Variants in TMEM132D observed in about 807,000 individuals in gnomAD.
The protein encoded by TMEM132D is transmembrane protein 132D.
In TMEM132D, 21 loss-of-function variants were observed where a neutral mutation model predicts 62.3. The ratio of observed to expected loss-of-function variants is 0.34; its 90% CI spans 0.24 to 0.49. The LOEUF (loss-of-function observed/expected upper bound fraction) is 0.49, where lower values mean the gene tolerates loss of function less well. Among genes scored for constraint, TMEM132D ranks in the 20% least tolerant of loss-of-function variants. The pLI, the probability that TMEM132D is intolerant of heterozygous loss-of-function variation, is 0.99. For missense variants in TMEM132D, 1,346 were observed against 1,402.8 expected (o/e 0.96, Z 0.65); for synonymous variants, 621 against 575.6 (o/e 1.08, Z -1.13).
chr12:129,615,208 A>G (rs1878881386), intron 2 of TMEM132D, among the ~76,000 whole-genome samples: 1 of 152,158 alleles, frequency 6.6e-6, no homozygotes, highest in Non-Finnish European at 1.5e-5. Flanking sequence ...AGGCTCTAGA[A>G]CAGGGAAATG....
intron 1 of TMEM132D, among the ~76,000 whole-genome samples, chr12:129,729,703 T>C (rs1869158768): frequency 6.6e-6 from 1 of 152,234 alleles, no homozygotes; most frequent in Non-Finnish European, 1.5e-5. Flanking sequence ...AGTAGAGCTA[T>C]GACTTTGAGT....
chr12:129,143,803 T>A (rs1876811936), intron 5 of TMEM132D, among the ~76,000 whole-genome samples: 2 of 152,124 alleles, frequency 1.3e-5, no homozygotes, highest in Admixed American at 6.5e-5. Context: ...TGGGAAACCT[T>A]TTACTGAATT....
intron 1 of TMEM132D, among the ~76,000 whole-genome samples, chr12:129,737,483 G>A (rs907844049): frequency 6.6e-6 from 1 of 152,124 alleles, no homozygotes; most frequent in Non-Finnish European, 1.5e-5. Context: ...GCATTCCACT[G>A]CTGTATAAAT....
chr12:129,102,236 C>T (rs922973635), intron 5 of TMEM132D, among the ~76,000 whole-genome samples: 8 of 152,172 alleles, frequency 5.3e-5, no homozygotes, highest in East Asian at 1.9e-4. Flanking sequence ...GTCTTGCGTA[C>T]GCAGAGACTC....
chr12:129,243,763 T>C (rs1021395188), intron 4 of TMEM132D, among the ~76,000 whole-genome samples: 7 of 152,348 alleles, frequency 4.6e-5, no homozygotes, highest in Non-Finnish European at 8.8e-5. Context: ...TTAGCATGAA[T>C]GAGAAATATA....
At chr12:129,895,365 C>T (rs1315900220) in intron 1 of TMEM132D, among the ~76,000 whole-genome samples, 1 of 152,212 alleles carries the variant, frequency 6.6e-6, no homozygotes, top group Non-Finnish European at 1.5e-5. Context: ...CACTCCCACC[C>T]CACCCAATGA....
chr12:129,320,571 T>G (rs1426678526), intron 4 of TMEM132D, among the ~76,000 whole-genome samples: 1 of 152,188 alleles, frequency 6.6e-6, no homozygotes, highest in African/African-American at 2.4e-5. Context: ...AGGCTAGGTT[T>G]TGTTTGCCAT....
At chr12:129,732,979 G>C (rs1003415740) in intron 1 of TMEM132D, among the ~76,000 whole-genome samples, 2 of 152,182 alleles carry the variant, frequency 1.3e-5, no homozygotes, top group Non-Finnish European at 2.9e-5. Context: ...GCTGTGCTGG[G>C]TATCATGGAT....
intron 2 of TMEM132D, among the ~76,000 whole-genome samples, chr12:129,659,385 T>G (rs531593754): frequency 6.6e-6 from 1 of 152,300 alleles, no homozygotes; most frequent in African/African-American, 2.4e-5. Flanking sequence ...AAGCTGCCAC[T>G]CACAAAGAGC....
chr12:129,297,083 A>C (rs1297983854), intron 4 of TMEM132D, among the ~76,000 whole-genome samples: 3 of 152,196 alleles, frequency 2.0e-5, no homozygotes, highest in African/African-American at 7.2e-5. Context: ...AGTCTACAGG[A>C]GAGCCCTAGG....
chr12:129,543,210 A>AGTGG (rs1212443747), intron 2 of TMEM132D, among the ~76,000 whole-genome samples: 2 of 62,264 alleles, frequency 3.2e-5, no homozygotes, highest in African/African-American at 6.5e-5. Flanking sequence ...TGAGTTGGTG[A>AGTGG]GTGGGTGGGT....
At chr12:129,804,535 G>A (rs976175490) in intron 1 of TMEM132D, among the ~76,000 whole-genome samples, 13 of 151,224 alleles carry the variant, frequency 8.6e-5, no homozygotes, top group African/African-American at 3.2e-4. Flanking sequence ...TTGATGGGAT[G>A]TATTTCAACA....
intron 5 of TMEM132D, chr12:129,110,563 A>C (rs970623394): frequency 6.6e-6 from 1 of 152,254 alleles, no homozygotes; most frequent in Non-Finnish European, 1.5e-5. Context: ...AAGCGAAAAC[A>C]TAACACACTG....
intron 1 of TMEM132D, among the ~76,000 whole-genome samples, chr12:129,741,723 G>T (rs1202090519): frequency 2.0e-5 from 3 of 152,168 alleles, no homozygotes; most frequent in African/African-American, 7.2e-5. Context: ...ATTGGAAATT[G>T]GGAAATAAGA....
At chr12:129,559,927 G>A (rs1877167903) in intron 2 of TMEM132D, among the ~76,000 whole-genome samples, 1 of 152,194 alleles carries the variant, frequency 6.6e-6, no homozygotes, top group South Asian at 2.1e-4. Context: ...GCATGCACGT[G>A]GAATACAGCT....
chr12:129,859,058 C>T (rs989554618), intron 1 of TMEM132D, among the ~76,000 whole-genome samples: 3 of 150,626 alleles, frequency 2.0e-5, no homozygotes, highest in Non-Finnish European at 3.0e-5. Flanking sequence ...GCCCTTGTAA[C>T]GGAGTCCGGG....
chr12:129,693,456 C>G (rs547184799), intron 2 of TMEM132D, among the ~76,000 whole-genome samples: 5 of 152,190 alleles, frequency 3.3e-5, no homozygotes, highest in Non-Finnish European at 7.3e-5. Context: ...TATCACTTCC[C>G]TCTTTACAAT....
intron 3 of TMEM132D, among the ~76,000 whole-genome samples, chr12:129,468,185 TTG>T (rs34249925): frequency 6.6e-5 from 10 of 151,120 alleles, no homozygotes; most frequent in African/African-American, 2.2e-4. Flanking sequence ...ACACAAAGCT[TTG>T]TGTGTGTGTG....
Position 129,534,952 on chromosome 12 carries a change from C to T in TMEM132D, c.969-3747G>A, listed in dbSNP as rs747609112. Among the ~76,000 whole-genome samples, 8 of 152,230 alleles carry T rather than the reference C, an allele frequency of 5.3e-5. No individual in the cohort carries two copies. In the South Asian group the frequency reaches 6.2e-4, roughly 12 times the overall value. On this transcript the variant is annotated intron_variant, in intron 2 of 8. Coordinates refer to ENST00000422113, the MANE Select transcript of TMEM132D (RefSeq NM_133448.3). ...TCCCATCCAGTCCCTTCTTGTTTAA[C>T]GTAGCCTGAGTTATTTATGATCATT...
Sources: allele counts gnomAD v4.1 joint callset (sites outside exome capture counted in the v4.1 genomes callset), GRCh38; gene constraint gnomAD v4.1.1; transcripts MANE v1.5; gene names NCBI Gene and HGNC (gene_info 2026-07-23, HGNC 2026-07-21).